The following GATAD2A variants were observed in gnomAD, a reference collection of about 807,000 sequenced individuals.
The protein encoded by GATAD2A is transcriptional repressor p66-alpha.
Under a neutral mutation model 68.5 loss-of-function variants are expected in GATAD2A, and 12 were observed. The observed-to-expected ratio is 0.18, with a 90% CI of 0.11 to 0.28. The LOEUF (loss-of-function observed/expected upper bound fraction) is 0.28, where lower values mean the gene tolerates loss of function less well. GATAD2A is among the 10% of genes least tolerant of loss of function. The pLI, the probability that GATAD2A is intolerant of heterozygous loss-of-function variation, is 1.00. For missense variants in GATAD2A, 755 were observed against 868.5 expected (o/e 0.87, Z 1.64); for synonymous variants, 410 against 375.3 (o/e 1.09, Z -1.07).
chr19:19,484,008 C>A (rs968170072), intron 2 of GATAD2A, among the ~76,000 whole-genome samples: 1 of 151,910 alleles, frequency 6.6e-6, no homozygotes, highest in Admixed American at 6.6e-5. Context: ...TGAGTGAACA[C>A]CACCCCTTGG....
At chr19:19,490,164 A>T (rs1350890032) in intron 2 of GATAD2A, among the ~76,000 whole-genome samples, 1 of 152,172 alleles carries the variant, frequency 6.6e-6, no homozygotes, top group African/African-American at 2.4e-5. Context: ...GTCCACGCCC[A>T]GGTCTCTGGT....
In GATAD2A at chr19:19,506,806, C is replaced by T. The variant is rs981891098; in HGVS notation, c.*1332C>T. 1 of 152,226 alleles carries T rather than the reference C, an allele frequency of 6.6e-6. No individual in the cohort carries two copies. The allele number at this position is 152,226 out of a possible 1,614,324, so 9.4% of individuals were successfully genotyped here. A position where few individuals can be genotyped will look rare whatever the true frequency, so the allele number is the denominator to read the frequency against. On this transcript the variant is annotated 3_prime_UTR_variant, in exon 12 of 12. Transcript: ENST00000683918. ...ATGCCAGTGCGAGGGCGTCCCGTGC[C>T]CACGTACATACGTATGTCTCCATGA...
intron 2 of GATAD2A, among the ~76,000 whole-genome samples, chr19:19,481,428 T>C (rs2059051368): frequency 6.6e-6 from 1 of 152,190 alleles, no homozygotes; most frequent in Admixed American, 6.5e-5. Flanking sequence ...GCTCCTGGGC[T>C]CAAGTGATCC....
At chr19:19,467,627 G>C (rs2057978792) in intron 2 of GATAD2A, among the ~76,000 whole-genome samples, 1 of 152,030 alleles carries the variant, frequency 6.6e-6, no homozygotes, top group African/African-American at 2.4e-5. Context: ...TGTTTATAGA[G>C]TTTCTATTTG....
chr19:19,502,461 A>G lies in GATAD2A; in HGVS notation c.1709A>G (p.Glu570Gly). 1 of 1,613,714 alleles carries G rather than the reference A, an allele frequency of 6.2e-7. No individual in the cohort carries two copies. The highest frequency in any genetic ancestry group is 8.5e-7 in the Non-Finnish European group (1 of 1,180,022). The change falls in exon 11 of 12, where the codon GAG becomes GGG. Residue 570 changes from glutamate (E) to glycine (G), a missense_variant. By Grantham distance (98) the Glu-to-Gly change is moderately conservative. Coordinates refer to ENST00000683918, the MANE Select transcript of GATAD2A (RefSeq NM_001384528.1). ...GTCAGCAGGACCGGCAGACATTCTG[A>G]GAGAACCGTGAGCGCCGGCAAGGGC... Reference protein sequence around the residue: ...ALVSRTGRHSERTVSAGKGSA... With the variant: ...ALVSRTGRHSGRTVSAGKGSA...
rs931361453 is a variant in GATAD2A at position 19,490,152 on chromosome 19, C to G, written c.270-2154C>G. On this transcript the variant is annotated intron_variant, in intron 2 of 11. Coordinates refer to ENST00000683918, the MANE Select transcript of GATAD2A (RefSeq NM_001384528.1). ...TTGTATACTTCGAAATCGTACCTTT[C>G]TGTCCACGCCCAGGTCTCTGGTGAG... Among the ~76,000 whole-genome samples, 9 of 152,196 alleles carry G rather than the reference C, an allele frequency of 5.9e-5. 1 individual carries two copies. Among genetic ancestry groups the G allele is most frequent in the Admixed American group, 5.9e-4 (9 of 15,286 alleles).
chr19:19,419,527 T>C (rs2052082029), intron 1 of GATAD2A, among the ~76,000 whole-genome samples: 1 of 150,392 alleles, frequency 6.6e-6, no homozygotes, highest in African/African-American at 2.5e-5. Flanking sequence ...TTTTTTTTTT[T>C]TTTTTTTAAG....
intron 8 of GATAD2A, among the ~76,000 whole-genome samples, chr19:19,500,056 C>T (rs1038632772): frequency 1.3e-5 from 2 of 152,246 alleles, no homozygotes; most frequent in Non-Finnish European, 2.9e-5. Flanking sequence ...GGCATCCGCT[C>T]TCCCAGACCA....
chr19:19,387,598 T>A (rs985817387), intron 1 of GATAD2A, among the ~76,000 whole-genome samples: 16 of 152,000 alleles, frequency 1.1e-4, no homozygotes, highest in Admixed American at 2.6e-4. Context: ...GGATTACAGG[T>A]GTGAGCCACC....
chr19:19,480,636 G>C (rs1434876862), intron 2 of GATAD2A, among the ~76,000 whole-genome samples: 4 of 152,176 alleles, frequency 2.6e-5, no homozygotes, highest in Admixed American at 6.5e-5. Flanking sequence ...TTTCATGACT[G>C]CCCCCCGAGG....
intron 5 of GATAD2A, among the ~76,000 whole-genome samples, chr19:19,495,297 T>TTTTTTTTC (rs754195537): frequency 2.0e-5 from 3 of 149,054 alleles, no homozygotes; most frequent in South Asian, 2.1e-4. Flanking sequence ...CCCAGCCAGC[T>TTTTTTTTC]TTTTTTTCTT....
At chr19:19,396,967 A>G (rs1273291419) in intron 1 of GATAD2A, among the ~76,000 whole-genome samples, 1 of 152,146 alleles carries the variant, frequency 6.6e-6, no homozygotes, top group Admixed American at 6.5e-5. Context: ...TCAGCATCCC[A>G]AAGTGTGGGA....
At chr19:19,466,455 G>T (rs1433505909) in intron 2 of GATAD2A, among the ~76,000 whole-genome samples, 1 of 152,180 alleles carries the variant, frequency 6.6e-6, no homozygotes, top group Non-Finnish European at 1.5e-5. Context: ...CCGCCCACTG[G>T]AGTCTTCTCC....
intron 2 of GATAD2A, 52 bp from the exon 3 acceptor site, chr19:19,492,254 A>T (rs2059846395): frequency 1.3e-6 from 2 of 1,561,030 alleles, no homozygotes; most frequent in Non-Finnish European, 1.7e-6. Flanking sequence ...AGGGGTGGGC[A>T]CTGGGTCCAG....
At chr19:19,493,601 C>A (rs899029255) in intron 4 of GATAD2A, among the ~76,000 whole-genome samples, 19 of 152,162 alleles carry the variant, frequency 1.2e-4, no homozygotes, top group African/African-American at 4.3e-4. Context: ...CTCCGACCTT[C>A]CAAGTACTTT....
At chr19:19,462,080 C>T (rs970352092) in intron 1 of GATAD2A, among the ~76,000 whole-genome samples, 1 of 152,256 alleles carries the variant, frequency 6.6e-6, no homozygotes, top group Admixed American at 6.5e-5. Flanking sequence ...GTGACCTAGC[C>T]TCTTCACCTA....
intron 1 of GATAD2A, chr19:19,440,367 T>G: frequency 5.1e-6 from 1 of 194,970 alleles, no homozygotes; most frequent in Non-Finnish European, 1.0e-5. Flanking sequence ...GCCTACCAGG[T>G]TCATGCCATT....
At chr19:19,491,340 G>C (rs950335102) in intron 2 of GATAD2A, among the ~76,000 whole-genome samples, 1 of 152,174 alleles carries the variant, frequency 6.6e-6, no homozygotes, top group South Asian at 2.1e-4. Flanking sequence ...GTGAGATGCC[G>C]TGGGCCGACG....
At chr19:19,388,186 C>G (rs1435912644) in intron 1 of GATAD2A, among the ~76,000 whole-genome samples, 1 of 151,856 alleles carries the variant, frequency 6.6e-6, no homozygotes, top group Non-Finnish European at 1.5e-5. Flanking sequence ...GCCTCCTGAG[C>G]AGCTGGGATT....
Sources: allele counts gnomAD v4.1 joint callset (sites outside exome capture counted in the v4.1 genomes callset), GRCh38; gene constraint gnomAD v4.1.1; transcripts MANE v1.5; gene names NCBI Gene and HGNC (gene_info 2026-07-23, HGNC 2026-07-21).